Variants in CADM4 observed in about 807,000 individuals in gnomAD.
CADM4 encodes the protein TSLC1-like 2.
CADM4 carries 13 observed loss-of-function variants against 43.9 expected under a neutral mutation model. The ratio of observed to expected loss-of-function variants is 0.30; its 90% CI spans 0.19 to 0.47. The LOEUF is 0.47. Among genes scored for constraint, CADM4 ranks in the 20% least tolerant of loss-of-function variants. The pLI is 1.00. For missense variants in CADM4, 420 were observed against 527.0 expected (o/e 0.80, Z 1.99); for synonymous variants, 209 against 220.9 (o/e 0.95, Z 0.48).
At chr19:43,640,291 G>T (rs1047175891), upstream of CADM4, among the ~76,000 whole-genome samples, 15 of 151,750 alleles carry the variant, frequency 9.9e-5, no homozygotes, top group African/African-American at 3.6e-4. Context: ...AGCGTGACGG[G>T]GGAGCGTAAG....
rs750837511 is a variant in CADM4, at chr19:43,623,443, AG to A, written c.1058-5del. 5.0e-6 allele frequency: 8 copies of A among 1,601,662 alleles called. No homozygotes were observed. The highest frequency in any genetic ancestry group is 6.8e-6 in the Non-Finnish European group (8 of 1,169,570). ...GCTTCGTGGGTCAGATAGGAACCTG[AG>A]GGGGTGACAGACCCCCGGGGCAGGG... is the stretch of plus-strand genomic sequence containing the variant. On this transcript the variant is annotated splice_region_variant and splice_polypyrimidine_tract_variant and intron_variant, in intron 8 of 8. Transcript: ENST00000222374. The surrounding 1 kb of genome is among the most constrained non-coding windows in gnomAD (Gnocchi z 4.4).
At chr19:43,631,523 C>T in intron 1 of CADM4, among the ~76,000 whole-genome samples, 1 of 152,038 alleles carries the variant, frequency 6.6e-6, no homozygotes, top group Non-Finnish European at 1.5e-5. Flanking sequence ...GAAAAGAACA[C>T]TGGTTGTATT....
intron 1 of CADM4, among the ~76,000 whole-genome samples, chr19:43,629,178 T>C (rs953730460): frequency 3.3e-5 from 5 of 152,090 alleles, no homozygotes; most frequent in African/African-American, 1.2e-4. Flanking sequence ...TCCCTCATAA[T>C]CCTTCACACT....
rs1351745278 is a variant in CADM4 at position 43,626,493 on chromosome 19, T to C, written c.500-205A>G. On this transcript the variant is annotated intron_variant, in intron 4 of 8. Coordinates refer to ENST00000222374, the MANE Select transcript of CADM4 (RefSeq NM_145296.2). The surrounding 1 kb of genome is among the most constrained non-coding windows in gnomAD (Gnocchi z 5.9). The stretch of plus-strand genomic sequence containing the variant: ...TTCCCTCTTTCACGCTCATGCTTTC[T>C]CGTCTATCAATCCATTTAATTGCTA... Among the ~76,000 whole-genome samples, 1 of 152,132 alleles carries C rather than the reference T, an allele frequency of 6.6e-6. No individual in the cohort carries two copies. Among genetic ancestry groups the C allele is most frequent in the African/African-American group, 2.4e-5 (1 of 41,410 alleles).
At position 43,622,658 on chromosome 19, in the gene CADM4, C is replaced by T. The variant is rs1229335424; in HGVS notation, c.*672G>A. 1 of 152,534 alleles carries T rather than the reference C, an allele frequency of 6.6e-6. No individual in the cohort carries two copies. The highest frequency in any genetic ancestry group is 2.4e-5 in the African/African-American group (1 of 41,370). 9.4% of individuals were successfully genotyped at this position (152,534 alleles called of 1,614,324 possible). On this transcript the variant is annotated 3_prime_UTR_variant, in exon 9 of 9. Coordinates refer to ENST00000222374, the MANE Select transcript of CADM4 (RefSeq NM_145296.2). ...CTGGAGGAGAGATGGGGAAGGCCCCCCCAGGAGTGGGTGGACAGAGAGACA... is the reference window on the plus strand; with the variant it reads ...CTGGAGGAGAGATGGGGAAGGCCCCTCCAGGAGTGGGTGGACAGAGAGACA...
At chr19:43,624,780 A>G in intron 7 of CADM4, 3 of 426,792 alleles carry the variant, frequency 7.0e-6, no homozygotes, top group Non-Finnish European at 1.3e-5. Context: ...TGTGTGCTAG[A>G]GCCCATTCCA....
In CADM4 at chr19:43,622,481, T is replaced by C. The variant is rs1973452215; in HGVS notation, c.*849A>G. On this transcript the variant is annotated 3_prime_UTR_variant, in exon 9 of 9. Coordinates refer to ENST00000222374, the MANE Select transcript of CADM4 (RefSeq NM_145296.2). ...GTTTTTTGTTTTTTGTTTTTTGTTT[T>C]TTAACAAGAAAAAGGGGGCAAAAGC... The C allele has an allele frequency of 6.6e-6, 1 of 152,282 alleles. No individual in the cohort carries two copies. Among genetic ancestry groups the C allele is most frequent in the Non-Finnish European group, 1.5e-5 (1 of 68,130 alleles). 9.4% of individuals were successfully genotyped at this position (152,282 alleles called of 1,614,324 possible).
At chr19:43,637,686 T>C (rs371577663) in intron 1 of CADM4, among the ~76,000 whole-genome samples, 26 of 152,276 alleles carry the variant, frequency 1.7e-4, no homozygotes, top group African/African-American at 6.3e-4. Flanking sequence ...AGAAAGGCTT[T>C]TGCACGGGGC....
Position 43,627,443 on chromosome 19 carries a change from G to T in CADM4, c.212-125C>A. On this transcript the variant is annotated intron_variant, in intron 2 of 8. Coordinates refer to ENST00000222374, the MANE Select transcript of CADM4 (RefSeq NM_145296.2). The surrounding 1 kb of genome is among the most constrained non-coding windows in gnomAD (Gnocchi z 4.0). ...CTCCAGCCATATCTATGAGTCTGAG[G>T]TGTCCAACTATTTACTCCCTTGAGG... The T allele has an allele frequency of 7.8e-7, 1 of 1,285,634 alleles. No individual in the cohort carries two copies. Among genetic ancestry groups the T allele is most frequent in the Non-Finnish European group, 1.1e-6 (1 of 951,698 alleles). The allele number at this position is 1,285,634 out of a possible 1,614,324, so 79.6% of individuals were successfully genotyped here.
Position 43,625,992 on chromosome 19 carries a change from G to T in CADM4, c.674C>A (p.Thr225Lys). Reference protein sequence around the residue: ...QYVLDVQYSPTARIHASQAVV... With the variant: ...QYVLDVQYSPKARIHASQAVV... The stretch of plus-strand genomic sequence containing the variant: ...AGCTTGGGAGGCATGAATCCGGGCC[G>T]TGGGGGAGTCTGTTAGGCAAAAGTA... Residue 225 changes from threonine to lysine, a missense_variant, in exon 6 of 9, where the codon ACG (threonine) becomes AAG (lysine). By Grantham distance (78) the Thr-to-Lys change is moderately conservative. Transcript: ENST00000222374. This position sits in a 1 kb window ranked among gnomAD's most constrained non-coding sequence, Gnocchi z 4.5. 6.2e-7 allele frequency: 1 copy of T among 1,614,178 alleles called. No homozygotes were observed. The highest frequency in any genetic ancestry group is 1.3e-5 in the African/African-American group (1 of 75,058).
At chr19:43,639,478 G>C (rs912370804) in intron 1 of CADM4, among the ~76,000 whole-genome samples, 2 of 150,688 alleles carry the variant, frequency 1.3e-5, no homozygotes, top group African/African-American at 4.9e-5. Flanking sequence ...GGGGGGTCTC[G>C]GGCCCTTTGT....
Position 43,626,829 on chromosome 19 carries a change from G to A in CADM4, c.454C>T (p.Pro152Ser), listed in dbSNP as rs1407741121. 1.2e-6 allele frequency: 2 copies of A among 1,610,734 alleles called. No homozygotes were observed. Among genetic ancestry groups the A allele is most frequent in the East Asian group, 2.2e-5 (1 of 44,702 alleles). Residue 152 changes from proline to serine, a missense_variant, in exon 4 of 9, where the codon CCG (proline) becomes TCG (serine). Transcript: ENST00000222374. The surrounding 1 kb of genome is among the most constrained non-coding windows in gnomAD (Gnocchi z 5.9). ...ELSCLVPRSR[P>S]AATLRWYRDR... is the part of the protein sequence containing the mutation. The stretch of plus-strand genomic sequence containing the variant: ...CGGTACCAGCGCAGGGTGGCAGCCG[G>A]ACGGGACCGCGGAACGAGGCAGCTG...
intron 1 of CADM4, 113 bp downstream of exon 1, chr19:43,639,609 GGGCCC>G (rs907348859): frequency 4.4e-4 from 261 of 588,596 alleles, no homozygotes; most frequent in African/African-American, 2.4e-3. Context: ...CCCGGGGAGG[GGGCCC>G]GGCCCGGCCC....
chr19:43,627,740 C>A lies in CADM4; in HGVS notation c.115G>T (p.Val39Leu). Residue 39 changes from valine (V) to leucine (L), a missense_variant, in exon 2 of 9, where the codon GTG (valine) becomes TTG (leucine). By Grantham distance (32) the Val-to-Leu change is conservative. Coordinates refer to ENST00000222374, the MANE Select transcript of CADM4 (RefSeq NM_145296.2). The surrounding 1 kb of genome is among the most constrained non-coding windows in gnomAD (Gnocchi z 4.0). ...TGCAGACGGCAGGTGATCTCAGCCA[C>A]CCCACCCTCAGCCACTGTCACGTTC... The part of the protein sequence containing the change: ...TENVTVAEGG[V>L]AEITCRLHQY... 6.2e-7 allele frequency: 1 copy of A among 1,614,062 alleles called. No homozygotes were observed.
In CADM4 at chr19:43,627,039, GGGAGAGGTCAGGA is replaced by G; in HGVS notation, c.364+114_365-122del. ...GGGTCCCAGGTGGCAGGGGTCAAAG[GGGAGAGGTCAGGA>G]GCCAGATGCCCATCCAGGATGTTAA... On this transcript the variant is annotated intron_variant, in intron 3 of 8. Coordinates refer to ENST00000222374, the MANE Select transcript of CADM4 (RefSeq NM_145296.2). This position sits in a 1 kb window ranked among gnomAD's most constrained non-coding sequence, Gnocchi z 4.0. 1.3e-6 allele frequency: 2 copies of G among 1,486,212 alleles called. No individual in the cohort carries two copies. The highest frequency in any genetic ancestry group is 4.4e-5 in the Admixed American group (2 of 45,376). The allele number at this position is 1,486,212 out of a possible 1,614,324, so 92.1% of individuals were successfully genotyped here. A position where few individuals can be genotyped will look rare whatever the true frequency, so the allele number is the denominator to read the frequency against.
chr19:43,640,126 C>A (rs1973757814), upstream of CADM4, among the ~76,000 whole-genome samples: 1 of 149,210 alleles, frequency 6.7e-6, no homozygotes, highest in East Asian at 2.0e-4. Context: ...GTGCTGCGTG[C>A]GGGCCCAGGT....
chr19:43,626,435 CT>C lies in CADM4; in HGVS notation c.500-148del, dbSNP rs1258819156. The stretch of plus-strand genomic sequence containing the variant: ...TTGTCCTCCAAGCTACGCCCCTCCC[CT>C]AACCAAGCCCACGTGCCTCCTCCCA... On this transcript the variant is annotated intron_variant, in intron 4 of 8. Transcript: ENST00000222374. The surrounding 1 kb of genome is among the most constrained non-coding windows in gnomAD (Gnocchi z 5.9). 10 of 942,650 alleles carry C rather than the reference CT, an allele frequency of 1.1e-5. No individual in the cohort carries two copies. Among genetic ancestry groups the C allele is most frequent in the East Asian group, 2.6e-5 (1 of 37,744 alleles). The allele number at this position is 942,650 out of a possible 1,614,324, so 58.4% of individuals were successfully genotyped here.
Position 43,625,705 on chromosome 19 carries a change from T to C in CADM4, c.755+206A>G, listed in dbSNP as rs1278692340. On this transcript the variant is annotated intron_variant, in intron 6 of 8. Transcript: ENST00000222374. The surrounding 1 kb of genome is among the most constrained non-coding windows in gnomAD (Gnocchi z 4.5). Reference sequence around the variant, plus strand: ...CCTCCAGATTCCTCCTCCCTCAGGATCCAGGAGTCCAGGTCCCAGATCCCT... The same window carrying C: ...CCTCCAGATTCCTCCTCCCTCAGGACCCAGGAGTCCAGGTCCCAGATCCCT... Among the ~76,000 whole-genome samples, 1 of 152,036 alleles carries C rather than the reference T, an allele frequency of 6.6e-6. No individual in the cohort carries two copies. Among genetic ancestry groups the C allele is most frequent in the Non-Finnish European group, 1.5e-5 (1 of 68,006 alleles).
intron 1 of CADM4, among the ~76,000 whole-genome samples, chr19:43,631,467 T>C (rs1973624598): frequency 6.6e-6 from 1 of 152,216 alleles, no homozygotes. Flanking sequence ...CAGAGACTTC[T>C]GGCTTCCTAT....
Sources: allele counts gnomAD v4.1 joint callset (sites outside exome capture counted in the v4.1 genomes callset), GRCh38; gene constraint gnomAD v4.1.1; non-coding constraint Gnocchi (gnomAD v3.1); transcripts MANE v1.5; gene names NCBI Gene and HGNC (gene_info 2026-07-23, HGNC 2026-07-21).